Variants in TFDP2 observed in about 807,000 individuals in gnomAD.
TFDP2 encodes the protein transcription factor Dp-2.
In TFDP2, 17 loss-of-function variants were observed where a neutral mutation model predicts 59.3. The ratio of observed to expected loss-of-function variants is 0.29; its 90% CI spans 0.20 to 0.43. The LOEUF is 0.43. TFDP2 is among the 20% of genes least tolerant of loss of function. The pLI, the probability that TFDP2 is intolerant of heterozygous loss-of-function variation, is 1.00. For missense variants in TFDP2, 391 were observed against 528.8 expected (o/e 0.74, Z 2.56); for synonymous variants, 180 against 194.7 (o/e 0.92, Z 0.63).
At chr3:142,087,992 C>T (rs2060859500) in intron 3 of TFDP2, among the ~76,000 whole-genome samples, 1 of 152,208 alleles carries the variant, frequency 6.6e-6, no homozygotes, top group South Asian at 2.1e-4. Context: ...ATCCTCAGTC[C>T]TATACCCTGA....
chr3:142,060,829 C>T (rs1372735731), intron 3 of TFDP2, among the ~76,000 whole-genome samples: 3 of 152,136 alleles, frequency 2.0e-5, no homozygotes, highest in Non-Finnish European at 4.4e-5. Context: ...CTGGGTAGTG[C>T]TTTACAAATA....
At chr3:141,953,501 G>A (rs907337893) in intron 11 of TFDP2, among the ~76,000 whole-genome samples, 2 of 152,108 alleles carry the variant, frequency 1.3e-5, no homozygotes, top group East Asian at 1.9e-4. Context: ...CAAAACCCCC[G>A]CCGCAATGTC....
intron 3 of TFDP2, among the ~76,000 whole-genome samples, chr3:142,015,511 C>G (rs1017898435): frequency 6.6e-6 from 1 of 152,188 alleles, no homozygotes; most frequent in African/African-American, 2.4e-5. Flanking sequence ...TCTGATATCC[C>G]ACATTCAATC....
chr3:142,010,516 G>A (rs1944578175), intron 3 of TFDP2, among the ~76,000 whole-genome samples: 1 of 151,546 alleles, frequency 6.6e-6, no homozygotes, highest in Admixed American at 6.6e-5. Flanking sequence ...GGCTGAGGCA[G>A]GAGAATCGCT....
chr3:141,978,436 G>T, intron 7 of TFDP2, 84 bp downstream of exon 7: 1 of 1,355,036 alleles, frequency 7.4e-7, no homozygotes, highest in Non-Finnish European at 1.0e-6. Flanking sequence ...AAGTATAGTC[G>T]TGATTCCTCA....
intron 3 of TFDP2, among the ~76,000 whole-genome samples, chr3:142,006,190 C>G (rs1195106481): frequency 6.6e-6 from 1 of 152,110 alleles, no homozygotes. Flanking sequence ...AAAATTCCCC[C>G]CAAAAGGAAA....
chr3:142,112,971 C>T (rs182996332), intron 1 of TFDP2, among the ~76,000 whole-genome samples: 150 of 152,234 alleles, frequency 9.9e-4, no homozygotes, highest in South Asian at 4.8e-3. Context: ...CTGTCCCTAC[C>T]CAAAGAAGCA....
intron 9 of TFDP2, among the ~76,000 whole-genome samples, chr3:141,965,192 C>T (rs1937779252): frequency 6.6e-6 from 1 of 152,046 alleles, no homozygotes; most frequent in South Asian, 2.1e-4. Context: ...TTTAAAAGTT[C>T]CTCAAGTCAG....
chr3:142,069,975 G>A lies in TFDP2; in HGVS notation c.82+23086C>T, dbSNP rs2060191737. On this transcript the variant is annotated intron_variant, in intron 3 of 12. Coordinates refer to ENST00000489671, the MANE Select transcript of TFDP2 (RefSeq NM_001178139.2). ...GGCTGCAGTGCAGTGGCGTGATCTC[G>A]GCTCACTGCAACCTCCGTTTCCCAA... Among the ~76,000 whole-genome samples the A allele has an allele frequency of 2.0e-5, 3 of 149,098 alleles. No homozygotes were observed. The South Asian group carries it at 6.4e-4, about 32-fold the overall frequency.
At chr3:142,015,206 GTGAGCCCTTCCTCA>G (rs1385972612) in intron 3 of TFDP2, among the ~76,000 whole-genome samples, 1 of 152,114 alleles carries the variant, frequency 6.6e-6, no homozygotes, top group Non-Finnish European at 1.5e-5. Flanking sequence ...TCTCTTGTCT[GTGAGCCCTTCCTCA>G]TGAGATGATC....
At chr3:142,046,672 A>T (rs1320884065) in intron 3 of TFDP2, among the ~76,000 whole-genome samples, 2 of 152,170 alleles carry the variant, frequency 1.3e-5, no homozygotes, top group African/African-American at 4.8e-5. Flanking sequence ...AGAAGGGTAG[A>T]AATCTACCTT....
In TFDP2 at chr3:141,947,450, T is replaced by C. The variant is rs1935378051; in HGVS notation, c.*5063A>G. On this transcript the variant is annotated 3_prime_UTR_variant, in exon 13 of 13. Transcript: ENST00000489671. ...CTTTTTTTGAGACAGAGTCCTGCTC[T>C]GTCACCTGGGCTGGAGTGCAGTGGC... 1 of 152,248 alleles carries C rather than the reference T, an allele frequency of 6.6e-6. No homozygotes were observed. The highest frequency in any genetic ancestry group is 6.5e-5 in the Admixed American group (1 of 15,274). 9.4% of individuals were successfully genotyped at this position (152,248 alleles called of 1,614,324 possible).
In TFDP2 at chr3:141,995,676, G is replaced by A. The variant is rs151312661; in HGVS notation, c.187-535C>T. Among the ~76,000 whole-genome samples, 623 of 152,118 alleles carry A rather than the reference G, an allele frequency of 4.1e-3. 2 individuals carry two copies. The highest frequency in any genetic ancestry group is 6.6e-3 in the Non-Finnish European group (451 of 68,002). ...AGGTGGGAGGATCACCTGAGGTCACGAGTTCAAGACCAGCCTGGCCAACAT... is the reference window on the plus strand; with the variant it reads ...AGGTGGGAGGATCACCTGAGGTCACAAGTTCAAGACCAGCCTGGCCAACAT... On this transcript the variant is annotated intron_variant, in intron 4 of 12. Transcript: ENST00000489671.
At chr3:142,136,337 C>T (rs1350177768) in intron 1 of TFDP2, among the ~76,000 whole-genome samples, 1 of 148,304 alleles carries the variant, frequency 6.7e-6, no homozygotes, top group East Asian at 1.9e-4. Flanking sequence ...AAAATTTTCT[C>T]TGATGAAAAA....
chr3:142,148,967 T>C (rs1181902540), intron 1 of TFDP2, among the ~76,000 whole-genome samples: 2 of 152,230 alleles, frequency 1.3e-5, no homozygotes, highest in Non-Finnish European at 2.9e-5. Flanking sequence ...CGATTTGCTC[T>C]ATGCACTAAG....
chr3:142,020,924 G>C (rs560667404), intron 3 of TFDP2, among the ~76,000 whole-genome samples: 4 of 151,974 alleles, frequency 2.6e-5, no homozygotes, highest in African/African-American at 9.7e-5. Context: ...AGTCGAAGCT[G>C]CAGTGAGCTG....
At chr3:142,069,864 C>T (rs755329630) in intron 3 of TFDP2, among the ~76,000 whole-genome samples, 3 of 151,978 alleles carry the variant, frequency 2.0e-5, no homozygotes, top group Non-Finnish European at 4.4e-5. Context: ...CCACCTCAGC[C>T]TCTCAAAGTT....
At chr3:142,045,612 CTTTTT>C (rs10587862) in intron 3 of TFDP2, among the ~76,000 whole-genome samples, 2,551 of 131,966 alleles carry the variant, frequency 0.019, 30 homozygotes, top group Middle Eastern at 0.035. Context: ...TATTATTTGA[CTTTTT>C]TTTTTTTTTT....
At chr3:142,005,104 G>C (rs534797100) in intron 4 of TFDP2, among the ~76,000 whole-genome samples, 16 of 152,344 alleles carry the variant, frequency 1.1e-4, no homozygotes, top group Non-Finnish European at 1.9e-4. Flanking sequence ...CAGGAGTGCA[G>C]TGGTGCAAAC....
Sources: gnomAD v4.1 joint callset for allele counts (sites outside exome capture counted in the v4.1 genomes callset) on GRCh38, gnomAD v4.1.1 for gene constraint, MANE v1.5 for transcripts, NCBI Gene and HGNC (gene_info 2026-07-23, HGNC 2026-07-21) for gene names.